The following UNC13C variants were observed in gnomAD, a reference collection of about 807,000 sequenced individuals.
UNC13C encodes protein unc-13 homolog C.
UNC13C carries 174 observed loss-of-function variants against 245.4 expected under a neutral mutation model. That is an observed-to-expected ratio of 0.71 (90% CI 0.63 to 0.80). The LOEUF is 0.80. Ranked by LOEUF, UNC13C falls within the 30% of genes least tolerant of loss-of-function variation. The pLI is 0.00. For missense variants in UNC13C, 2,829 were observed against 2,602.9 expected (o/e 1.09, Z -1.89); for synonymous variants, 992 against 895.1 (o/e 1.11, Z -1.93).
downstream of UNC13C, chr15:54,633,061 A>G (rs28785811): frequency 0.039 from 5,905 of 152,304 alleles, 374 homozygotes; most frequent in African/African-American, 0.14. Flanking sequence ...GCTACTCTGG[A>G]GGCTGAGGCA....
intron 19 of UNC13C, among the ~76,000 whole-genome samples, chr15:54,455,236 T>A (rs1250985483): frequency 3.5e-5 from 4 of 115,124 alleles, no homozygotes; most frequent in Non-Finnish European, 3.7e-5. Context: ...TATATATATA[T>A]ATGTTTTTTA....
rs774886408 is a variant in UNC13C, at chr15:54,297,872, A to G, written c.4050A>G (p.Ile1350Met). 1.9e-6 allele frequency: 3 copies of G among 1,611,080 alleles called. No individual in the cohort carries two copies. The East Asian group carries it at 6.7e-5, about 36-fold the overall frequency. ...TACGATTGAAAATCAATGTGGAGATAAAAGGAGAAGAGAAGGTTGCTCCAT... is the reference window on the plus strand; with the variant it reads ...TACGATTGAAAATCAATGTGGAGATGAAAGGAGAAGAGAAGGTTGCTCCAT... Reference protein sequence around the residue: ...GAIRLKINVEIKGEEKVAPYH... With the variant: ...GAIRLKINVEMKGEEKVAPYH... Residue 1350 changes from isoleucine (I) to methionine (M), a missense_variant, in exon 12 of 33, where the codon ATA becomes ATG. By Grantham distance (10) the Ile-to-Met change is conservative. Coordinates refer to ENST00000260323, the MANE Select transcript of UNC13C (RefSeq NM_001080534.3).
At chr15:54,236,522 A>T in intron 6 of UNC13C, 87 bp downstream of exon 6, 2 of 996,314 alleles carry the variant, frequency 2.0e-6, no homozygotes, top group Non-Finnish European at 1.5e-6. Flanking sequence ...AGAGGGCAAG[A>T]ATGGAGAAAT....
chr15:54,014,232 GAAC>G lies in UNC13C; in HGVS notation c.1332_1334del (p.Asn445del), dbSNP rs1379726354. 20 of 1,613,752 alleles carry G rather than the reference GAAC, an allele frequency of 1.2e-5. No homozygotes were observed. The highest frequency in any genetic ancestry group is 1.6e-5 in the Non-Finnish European group (19 of 1,179,834). ...CTACTCCAGAGCCAAAAATCAAGAA[GAAC>G]AATTGGCAGTCACCTGATGACAGTG... On this transcript the variant is annotated inframe_deletion, in exon 2 of 33. Transcript: ENST00000260323.
At chr15:54,021,583 A>C (rs1240889585) in intron 2 of UNC13C, among the ~76,000 whole-genome samples, 1 of 152,162 alleles carries the variant, frequency 6.6e-6, no homozygotes, top group Non-Finnish European at 1.5e-5. Context: ...TTATCCATTC[A>C]TCCACTGGTA....
chr15:53,930,495 G>T, the UNC13C span, among the ~76,000 whole-genome samples: 1 of 152,118 alleles, frequency 6.6e-6, no homozygotes, highest in African/African-American at 2.4e-5. Flanking sequence ...CTGGGAAGAG[G>T]GCTGCTTTGG....
chr15:54,325,766 G>T (rs575909774), intron 14 of UNC13C, among the ~76,000 whole-genome samples: 1 of 152,042 alleles, frequency 6.6e-6, no homozygotes, highest in African/African-American at 2.4e-5. Context: ...GAAAGAAAGC[G>T]TGAAATTGGA....
At chr15:54,613,667 CT>C (rs1900249918) in intron 30 of UNC13C, among the ~76,000 whole-genome samples, 3 of 152,002 alleles carry the variant, frequency 2.0e-5, no homozygotes, top group Admixed American at 6.6e-5. Context: ...GTAATATCTT[CT>C]TTTTTAAAAA....
At chr15:54,281,733 C>A (rs970494067) in intron 10 of UNC13C, among the ~76,000 whole-genome samples, 7 of 152,288 alleles carry the variant, frequency 4.6e-5, no homozygotes, top group African/African-American at 1.7e-4. Context: ...CCATTTAATT[C>A]TTACAACAGT....
intron 29 of UNC13C, among the ~76,000 whole-genome samples, chr15:54,561,747 A>G (rs1261275156): frequency 6.6e-6 from 1 of 152,014 alleles, no homozygotes; most frequent in Non-Finnish European, 1.5e-5. Context: ...CATTTCACCA[A>G]TAGGGAATCT....
In UNC13C at chr15:54,264,201, A is replaced by T; in HGVS notation, c.3482A>T (p.Glu1161Val). The T allele has an allele frequency of 6.3e-7, 1 of 1,589,232 alleles. No individual in the cohort carries two copies. Among genetic ancestry groups the T allele is most frequent in the African/African-American group, 1.3e-5 (1 of 74,564 alleles). Residue 1161 changes from glutamate to valine, a missense_variant, in exon 9 of 33, where the codon GAA becomes GTA. Coordinates refer to ENST00000260323, the MANE Select transcript of UNC13C (RefSeq NM_001080534.3). ...AAEKSSKHGAEDKTQTIITAM... is the reference protein window; with the variant it reads ...AAEKSSKHGAVDKTQTIITAM... ...GAAAAGAGTTCTAAACATGGTGCCGAAGACAAGACTCAGACCATTATTACA... is the reference window on the plus strand; with the variant it reads ...GAAAAGAGTTCTAAACATGGTGCCGTAGACAAGACTCAGACCATTATTACA...
chr15:53,863,918 T>G, the UNC13C span, among the ~76,000 whole-genome samples: 1 of 152,188 alleles, frequency 6.6e-6, no homozygotes, highest in Admixed American at 6.5e-5. Flanking sequence ...GAGTCCACGA[T>G]GTAGCCCCAG....
chr15:54,167,936 C>G (rs557173485), intron 4 of UNC13C, among the ~76,000 whole-genome samples: 122 of 152,214 alleles, frequency 8.0e-4, no homozygotes, highest in African/African-American at 2.8e-3. Context: ...TACTATGCAC[C>G]TACCAAAATG....
chr15:54,498,504 A>G (rs2141095049), intron 20 of UNC13C, among the ~76,000 whole-genome samples: 1 of 152,250 alleles, frequency 6.6e-6, no homozygotes, highest in South Asian at 2.1e-4. Flanking sequence ...TGGCATATCC[A>G]ATTTTGTAGA....
intron 4 of UNC13C, among the ~76,000 whole-genome samples, chr15:54,174,070 T>TA (rs1379762266): frequency 1.3e-5 from 2 of 152,188 alleles, no homozygotes; most frequent in Non-Finnish European, 2.9e-5. Context: ...TTTCCCTTTT[T>TA]ATCTGTTTGA....
At chr15:54,021,750 A>G (rs766244351) in intron 2 of UNC13C, among the ~76,000 whole-genome samples, 9 of 152,192 alleles carry the variant, frequency 5.9e-5, no homozygotes, top group Non-Finnish European at 1.0e-4. Flanking sequence ...TGCATATATG[A>G]CAGTCTGTAT....
rs1262822239 is a variant in UNC13C, at chr15:54,256,550, G to A, written c.3448+6106G>A. On this transcript the variant is annotated intron_variant, in intron 8 of 32. Coordinates refer to ENST00000260323, the MANE Select transcript of UNC13C (RefSeq NM_001080534.3). ...CATTTTTAGCAGCATGATGAAATCT[G>A]CCATCCTTCTTGGAAGGAAAGTCAT... 2.0e-5 allele frequency among the ~76,000 whole-genome samples: 3 copies of A among 152,076 alleles called. No individual in the cohort carries two copies. In the East Asian group the frequency reaches 5.8e-4, roughly 29 times the overall value.
At chr15:53,855,001 G>A in the UNC13C span, among the ~76,000 whole-genome samples, 22 of 152,068 alleles carry the variant, frequency 1.4e-4, no homozygotes, top group Non-Finnish European at 3.2e-4. Context: ...TCCTTGAAGA[G>A]TTCCTTCACA....
the UNC13C span, chr15:53,972,850 C>G: frequency 6.6e-6 from 1 of 152,170 alleles, no homozygotes; most frequent in African/African-American, 2.4e-5. Flanking sequence ...TCATTTATCA[C>G]TGTGTACATA....
Sources: allele counts gnomAD v4.1 joint callset (sites outside exome capture counted in the v4.1 genomes callset), GRCh38; gene constraint gnomAD v4.1.1; transcripts MANE v1.5; gene names NCBI Gene and HGNC (gene_info 2026-07-23, HGNC 2026-07-21).